SLC16A1: variants seen among roughly 807,000 people sequenced by gnomAD.
SLC16A1 encodes the protein monocarboxylate transporter 1.
A neutral mutation model predicts 32.2 loss-of-function variants in SLC16A1; 11 were observed. The observed-to-expected ratio is 0.34, with a 90% CI of 0.21 to 0.56. SLC16A1 has a LOEUF of 0.56. Among genes scored for constraint, SLC16A1 ranks in the 20% least tolerant of loss-of-function variants. The probability of loss-of-function intolerance (pLI) is 0.87; values close to 1 mark genes in which losing one functional copy is unlikely to be tolerated. For missense variants in SLC16A1, 435 were observed against 615.0 expected (o/e 0.71, Z 3.10); for synonymous variants, 231 against 226.8 (o/e 1.02, Z -0.17).
At chr1:112,926,203 T>C (rs72683442) in intron 2 of SLC16A1, among the ~76,000 whole-genome samples, 24,026 of 152,238 alleles carry the variant, frequency 0.16, 2,455 homozygotes, top group Non-Finnish European at 0.23. Context: ...GTTATGTATG[T>C]ATATATACAT....
In SLC16A1 at chr1:112,911,853, C is replaced by T. The variant is rs571694112; in HGVS notation, c.*2038G>A. 8 of 152,222 alleles carry T rather than the reference C, an allele frequency of 5.3e-5. No homozygotes were observed. The highest frequency in any genetic ancestry group is 1.2e-4 in the Non-Finnish European group (8 of 68,032). The allele number at this position is 152,222 out of a possible 1,614,324, so 9.4% of individuals were successfully genotyped here. A position where few individuals can be genotyped will look rare whatever the true frequency, so the allele number is the denominator to read the frequency against. The stretch of plus-strand genomic sequence containing the variant: ...AAAGATGAGGAAAAAGTTATTTATA[C>T]TTGCTTTACTTTTATTTTTTCAGAT... On this transcript the variant is annotated 3_prime_UTR_variant, in exon 5 of 5. Transcript: ENST00000369626.
intron 1 of SLC16A1, among the ~76,000 whole-genome samples, chr1:112,942,162 G>C (rs781445471): frequency 2.6e-5 from 4 of 152,004 alleles, no homozygotes; most frequent in African/African-American, 4.8e-5. Context: ...AGTACAGACA[G>C]GGTTTTACCA....
In SLC16A1 at chr1:112,921,980, A is replaced by G. The variant is rs1384753635; in HGVS notation, c.361+10T>C. On this transcript the variant is annotated intron_variant, in intron 3 of 4. Transcript: ENST00000369626. ...AACTAATGCTTCCAAATGAATCAGT[A>G]GTAACTCACCTCCAATGACTCCAAT... The G allele has an allele frequency of 3.1e-6, 5 of 1,614,124 alleles. No individual in the cohort carries two copies. Among genetic ancestry groups the G allele is most frequent in the Non-Finnish European group, 1.7e-6 (2 of 1,179,970 alleles).
Position 112,913,965 on chromosome 1 carries a change from C to A in SLC16A1, c.1429G>T (p.Val477Phe). 3.1e-6 allele frequency: 5 copies of A among 1,614,176 alleles called. No homozygotes were observed. In the African/African-American group the frequency reaches 4.0e-5, roughly 13 times the overall value. ...SIDVAGKPNEVTKAAESPDQK... is the reference protein window; with the variant it reads ...SIDVAGKPNEFTKAAESPDQK... ...TCCGGAGATTCTGCTGCTTTGGTAA[C>A]TTCATTTGGCTTCCCAGCAACATCT... Residue 477 changes from valine (V) to phenylalanine (F), a missense_variant, in exon 5 of 5, where the codon GTT (valine) becomes TTT (phenylalanine). Physicochemically the swap from Val to Phe is conservative, Grantham distance 50 (BLOSUM62 -1). Around this residue, in one of 2 missense-constraint regions of SLC16A1, gnomAD observed 111 missense variants for 114.7 expected, o/e 0.97. Transcript: ENST00000369626.
intron 1 of SLC16A1, among the ~76,000 whole-genome samples, chr1:112,939,188 GC>G (rs1478115660): frequency 6.6e-6 from 1 of 152,110 alleles, no homozygotes; most frequent in African/African-American, 2.4e-5. Context: ...ACCGTGCCCG[GC>G]CAACGTATTT....
chr1:112,930,550 T>C (rs754154376), intron 1 of SLC16A1, among the ~76,000 whole-genome samples: 4 of 152,186 alleles, frequency 2.6e-5, no homozygotes, highest in Non-Finnish European at 5.9e-5. Flanking sequence ...TAATTTTTTG[T>C]AGCTTAAAGG....
rs1161030278 is a variant in SLC16A1 at position 112,912,584 on chromosome 1, T to A, written c.*1307A>T. On this transcript the variant is annotated 3_prime_UTR_variant, in exon 5 of 5. Transcript: ENST00000369626. ...CTTATACTGAATCCATTTCTCTACTTTTCAGGTAAGTGAAAGGGGTCACAA... is the reference window on the plus strand; with the variant it reads ...CTTATACTGAATCCATTTCTCTACTATTCAGGTAAGTGAAAGGGGTCACAA... 2 of 152,164 alleles carry A rather than the reference T, an allele frequency of 1.3e-5. No homozygotes were observed. The highest frequency in any genetic ancestry group is 2.9e-5 in the Non-Finnish European group (2 of 68,030). 9.4% of individuals were successfully genotyped at this position (152,164 alleles called of 1,614,324 possible).
chr1:112,955,925 C>T lies in SLC16A1; in HGVS notation c.-45+110G>A, dbSNP rs994200231. On this transcript the variant is annotated intron_variant, in intron 1 of 4. Transcript: ENST00000369626. ...CGATGCCCTCTGCTGGGCCGCCTCC[C>T]TCCGCCGGAGACAAAGTCTCCCAAC... 4 of 152,472 alleles carry T rather than the reference C, an allele frequency of 2.6e-5. No individual in the cohort carries two copies. In the East Asian group the frequency reaches 5.8e-4, roughly 22 times the overall value. 9.4% of individuals were successfully genotyped at this position (152,472 alleles called of 1,614,324 possible). A position where few individuals can be genotyped will look rare whatever the true frequency, so the allele number is the denominator to read the frequency against.
rs1648399203 is a variant in SLC16A1 at position 112,913,671 on chromosome 1, C to T, written c.*220G>A. ...AAGATTAAAACAAAACAAAACAGAA[C>T]CTACTTCTTTCCCCCATCCTTTGCT... On this transcript the variant is annotated 3_prime_UTR_variant, in exon 5 of 5. Coordinates refer to ENST00000369626, the MANE Select transcript of SLC16A1 (RefSeq NM_003051.4). The T allele has an allele frequency of 1.7e-6, 1 of 596,160 alleles. No individual in the cohort carries two copies. The highest frequency in any genetic ancestry group is 2.9e-5 in the East Asian group (1 of 34,954). The allele number at this position is 596,160 out of a possible 1,614,324, so 36.9% of individuals were successfully genotyped here.
chr1:112,931,048 A>G (rs527429736), intron 1 of SLC16A1, among the ~76,000 whole-genome samples: 2 of 152,284 alleles, frequency 1.3e-5, no homozygotes, highest in African/African-American at 2.4e-5. Flanking sequence ...TATAGCCTTT[A>G]TAAGTTTTTT....
intron 2 of SLC16A1, chr1:112,922,458 T>C (rs1309642721): frequency 2.7e-6 from 1 of 364,496 alleles, no homozygotes; most frequent in Admixed American, 4.1e-5. Context: ...GTTCTTGATG[T>C]ATCTAGGATA....
chr1:112,943,993 GGAAA>G (rs892774310), intron 1 of SLC16A1, among the ~76,000 whole-genome samples: 5 of 151,836 alleles, frequency 3.3e-5, no homozygotes, highest in African/African-American at 7.3e-5. Context: ...TTAGATTCTG[GGAAA>G]GAAAGAAAGT....
At position 112,913,825 on chromosome 1, in the gene SLC16A1, G is replaced by C. The variant is rs1648405703; in HGVS notation, c.*66C>G. ...ATTGAGCACCACTGGTAGATTACAG[G>C]CCAGTAGAATATTTTCAGATATCCT... On this transcript the variant is annotated 3_prime_UTR_variant, in exon 5 of 5. Transcript: ENST00000369626. 9 of 1,564,810 alleles carry C rather than the reference G, an allele frequency of 5.8e-6. 2 individuals are homozygous for C. In the South Asian group the frequency reaches 1.0e-4, roughly 17 times the overall value.
intron 2 of SLC16A1, among the ~76,000 whole-genome samples, chr1:112,926,877 T>A (rs1341320125): frequency 6.9e-6 from 1 of 145,448 alleles, no homozygotes; most frequent in Admixed American, 6.9e-5. Flanking sequence ...AGAAACCCTA[T>A]CTCAAAATAA....
intron 3 of SLC16A1, among the ~76,000 whole-genome samples, chr1:112,920,606 A>G (rs1474902610): frequency 6.7e-6 from 1 of 150,106 alleles, no homozygotes; most frequent in Non-Finnish European, 1.5e-5. Context: ...ACTGTGTCTC[A>G]AAAAAACAAA....
At chr1:112,916,719 C>T (rs1359343415) in intron 4 of SLC16A1, among the ~76,000 whole-genome samples, 1 of 151,752 alleles carries the variant, frequency 6.6e-6, no homozygotes, top group East Asian at 2.0e-4. Context: ...CGTTTGAGGT[C>T]AGGAGTTAGA....
At chr1:112,930,724 G>GTTTT (rs536201953) in intron 1 of SLC16A1, among the ~76,000 whole-genome samples, 3 of 135,204 alleles carry the variant, frequency 2.2e-5, no homozygotes, top group Non-Finnish European at 4.8e-5. Flanking sequence ...AACATTTTAG[G>GTTTT]TTTTTTTTTT....
At chr1:112,914,888 G>A (rs145052728) in intron 4 of SLC16A1, among the ~76,000 whole-genome samples, 150 of 152,328 alleles carry the variant, frequency 9.8e-4, no homozygotes, top group African/African-American at 3.4e-3. Flanking sequence ...GCTTTGTGAA[G>A]TCTGGTAGTA....
chr1:112,936,480 CAAAAAAAAAAAA>C (rs35673011), intron 1 of SLC16A1, among the ~76,000 whole-genome samples: 3 of 54,894 alleles, frequency 5.5e-5, no homozygotes, highest in East Asian at 6.0e-4. Context: ...GACTCTGTCT[CAAAAAAAAAAAA>C]AAAAAAAAAA....
Sources: gnomAD v4.1 joint callset for allele counts (sites outside exome capture counted in the v4.1 genomes callset) on GRCh38, gnomAD v4.1.1 for gene constraint, gnomAD v4.1.1 regional missense constraint, MANE v1.5 for transcripts, NCBI Gene and HGNC (gene_info 2026-07-23, HGNC 2026-07-21) for gene names.